Variants in FAF1 observed in about 807,000 individuals in gnomAD.
FAF1 encodes Fas associated factor 1.
In FAF1, 25 loss-of-function variants were observed where a neutral mutation model predicts 92.5. The observed-to-expected ratio is 0.27, with a 90% CI of 0.20 to 0.38. The LOEUF (loss-of-function observed/expected upper bound fraction) is 0.38. Ranked by LOEUF, FAF1 falls within the 10% of genes least tolerant of loss-of-function variation. FAF1 has a pLI of 1.00. For missense variants in FAF1, 636 were observed against 793.3 expected, an observed-to-expected ratio of 0.80 and a Z score of 2.38; for synonymous variants, 234 against 273.2, an observed-to-expected ratio of 0.86 and a Z score of 1.42.
intron 7 of FAF1, among the ~76,000 whole-genome samples, chr1:50,704,070 A>G (rs1657578422): frequency 6.6e-6 from 1 of 152,226 alleles, no homozygotes. Context: ...TCCCTGTTTA[A>G]TTTAAAAGGG....
At chr1:50,682,933 T>C (rs1656488943) in intron 7 of FAF1, among the ~76,000 whole-genome samples, 1 of 151,246 alleles carries the variant, frequency 6.6e-6, no homozygotes. Flanking sequence ...TCCACTAAAA[T>C]ACAAAAAATT....
chr1:50,440,786 G>A lies in FAF1; in HGVS notation c.*654C>T, dbSNP rs1572742667. The A allele has an allele frequency of 1.3e-5, 2 of 152,210 alleles. No individual in the cohort carries two copies. Among genetic ancestry groups the A allele is most frequent in the Admixed American group, 1.3e-4 (2 of 15,282 alleles). 9.4% of individuals were successfully genotyped at this position (152,210 alleles called of 1,614,324 possible). A position where few individuals can be genotyped will look rare whatever the true frequency, so the allele number is the denominator to read the frequency against. On this transcript the variant is annotated 3_prime_UTR_variant, in exon 19 of 19. Coordinates refer to ENST00000396153, the MANE Select transcript of FAF1 (RefSeq NM_007051.3). The stretch of plus-strand genomic sequence containing the variant: ...TTGAACAGTTTCCCTATGCTGCAAT[G>A]GAACAGCAAATACCTCCTAGGTAGA...
intron 1 of FAF1, among the ~76,000 whole-genome samples, chr1:50,950,694 T>C (rs889346532): frequency 1.3e-5 from 2 of 152,242 alleles, no homozygotes; most frequent in Non-Finnish European, 2.9e-5. Context: ...CCAAGGCTTC[T>C]GAACACCTGT....
At chr1:50,746,395 C>G (rs1250840300) in intron 4 of FAF1, among the ~76,000 whole-genome samples, 1 of 144,064 alleles carries the variant, frequency 6.9e-6, no homozygotes, top group East Asian at 2.2e-4. Context: ...CCTCTGCCTC[C>G]TGGGGTCAAG....
chr1:50,474,129 C>G (rs1646608535), intron 18 of FAF1, among the ~76,000 whole-genome samples: 1 of 152,220 alleles, frequency 6.6e-6, no homozygotes, highest in Non-Finnish European at 1.5e-5. Flanking sequence ...CTTTGTTACA[C>G]TATGCCAAAT....
chr1:50,666,518 T>C (rs1655641086), intron 7 of FAF1, among the ~76,000 whole-genome samples: 1 of 151,976 alleles, frequency 6.6e-6, no homozygotes, highest in Non-Finnish European at 1.5e-5. Context: ...TACCGGACAC[T>C]TTTATAATTG....
In FAF1 at chr1:50,599,109, G is replaced by GTATT. The variant is rs950525483; in HGVS notation, c.745-2897_745-2894dup. On this transcript the variant is annotated intron_variant, in intron 8 of 18. Transcript: ENST00000396153. ...TGGCATTAGACTTTTTCACTGTGTT[G>GTATT]TATTTATTTATTTATTTTCTTGAGA... Among the ~76,000 whole-genome samples, 83 of 152,076 alleles carry GTATT rather than the reference G, an allele frequency of 5.5e-4. 1 individual carries two copies. Among genetic ancestry groups the GTATT allele is most frequent in the African/African-American group, 2.0e-3 (82 of 41,504 alleles).
chr1:50,740,574 A>C (rs936015879), intron 5 of FAF1, among the ~76,000 whole-genome samples: 7 of 152,022 alleles, frequency 4.6e-5, no homozygotes, highest in African/African-American at 1.7e-4. Flanking sequence ...TTCCTATTGT[A>C]TTCTATTTCT....
intron 4 of FAF1, among the ~76,000 whole-genome samples, chr1:50,754,734 C>T (rs1660007058): frequency 6.6e-6 from 1 of 152,062 alleles, no homozygotes; most frequent in Admixed American, 6.5e-5. Context: ...TGAGATTGGG[C>T]AATTTACAAA....
At chr1:50,557,332 A>G (rs980707767) in intron 13 of FAF1, among the ~76,000 whole-genome samples, 1 of 152,238 alleles carries the variant, frequency 6.6e-6, no homozygotes, top group African/African-American at 2.4e-5. Context: ...AAGTCTTTAG[A>G]GTTAACTCTG....
chr1:50,683,462 G>C (rs1260582801), intron 7 of FAF1, among the ~76,000 whole-genome samples: 3 of 151,836 alleles, frequency 2.0e-5, no homozygotes, highest in Admixed American at 6.6e-5. Context: ...AGGAGGCAGA[G>C]GTTGCAGTGA....
At chr1:50,887,179 T>C (rs1644673361) in intron 1 of FAF1, among the ~76,000 whole-genome samples, 1 of 152,256 alleles carries the variant, frequency 6.6e-6, no homozygotes. Flanking sequence ...AAATGTCTTC[T>C]TTTGAGAAGT....
intron 18 of FAF1, among the ~76,000 whole-genome samples, chr1:50,446,445 T>C (rs112348928): frequency 1.0e-3 from 159 of 152,336 alleles, no homozygotes; most frequent in African/African-American, 3.6e-3. Flanking sequence ...GATGTTCTGA[T>C]TTGGGATGCT....
At chr1:50,701,604 GAAT>G (rs910323821) in intron 7 of FAF1, among the ~76,000 whole-genome samples, 4 of 152,046 alleles carry the variant, frequency 2.6e-5, no homozygotes, top group African/African-American at 7.2e-5. Flanking sequence ...GTAGCAAGTA[GAAT>G]AATAGACACA....
chr1:50,664,743 G>C (rs1367553125), intron 7 of FAF1, among the ~76,000 whole-genome samples: 2 of 152,208 alleles, frequency 1.3e-5, no homozygotes, highest in Non-Finnish European at 2.9e-5. Flanking sequence ...GCAGAGAGTC[G>C]AGATCGCGCT....
intron 13 of FAF1, among the ~76,000 whole-genome samples, chr1:50,554,392 G>T (rs200811727): frequency 0.018 from 2,085 of 118,210 alleles, 15 homozygotes; most frequent in Non-Finnish European, 0.024. Context: ...TATATATATA[G>T]AGAGAGAGAG....
chr1:50,475,411 G>T, intron 18 of FAF1, 53 bp downstream of exon 18: 1 of 1,404,208 alleles, frequency 7.1e-7, no homozygotes, highest in East Asian at 2.3e-5. Flanking sequence ...CAGCTTTAAT[G>T]ATGGCACATC....
chr1:50,713,773 CT>C (rs58832551), intron 6 of FAF1, among the ~76,000 whole-genome samples: 3,898 of 119,446 alleles, frequency 0.033, 104 homozygotes, highest in African/African-American at 0.1. Context: ...AATGTAAAAG[CT>C]TTTTTTTTTT....
At chr1:50,858,089 T>C in intron 1 of FAF1, 92 bp from the exon 2 acceptor site, 3 of 825,016 alleles carry the variant, frequency 3.6e-6, no homozygotes, top group Non-Finnish European at 5.7e-6. Flanking sequence ...ATATGTAATT[T>C]AAATTCAAAT....
Sources: allele counts gnomAD v4.1 joint callset (sites outside exome capture counted in the v4.1 genomes callset), GRCh38; gene constraint gnomAD v4.1.1; transcripts MANE v1.5; gene names NCBI Gene and HGNC (gene_info 2026-07-23, HGNC 2026-07-21).